The following PHF20L1 variants were observed in gnomAD, a reference collection of about 807,000 sequenced individuals.
PHF20L1 encodes PHD finger protein 20-like protein 1.
In PHF20L1, 44 loss-of-function variants were observed where a neutral mutation model predicts 125.5. The observed-to-expected ratio is 0.35, with a 90% CI of 0.28 to 0.45. The LOEUF (loss-of-function observed/expected upper bound fraction) is 0.45, where lower values mean the gene tolerates loss of function less well. Among genes scored for constraint, PHF20L1 ranks in the 20% least tolerant of loss-of-function variants. PHF20L1 has a pLI of 1.00. For missense variants in PHF20L1, 1,012 were observed against 1,217.2 expected (o/e 0.83, Z 2.51); for synonymous variants, 380 against 403.1 (o/e 0.94, Z 0.69).
intron 2 of PHF20L1, among the ~76,000 whole-genome samples, chr8:132,790,522 A>G (rs1408914827): frequency 1.3e-5 from 2 of 152,310 alleles, no homozygotes; most frequent in East Asian, 1.9e-4. Flanking sequence ...TCAAGTTTCA[A>G]CCAGGCTAAC....
At position 132,824,310 on chromosome 8, in the gene PHF20L1, C is replaced by G. The variant is rs200900746; in HGVS notation, c.1636+250C>G. ...GGAACTTTTGTGTTTATGATCATCC[C>G]TAGTCAAAATTATGGCTATTCAAAA... On this transcript the variant is annotated intron_variant, in intron 13 of 20. Transcript: ENST00000395386. 122 of 323,856 alleles carry G rather than the reference C, an allele frequency of 3.8e-4. No individual in the cohort carries two copies. In the East Asian group the frequency reaches 4.9e-3, roughly 13 times the overall value. The allele number at this position is 323,856 out of a possible 1,614,324, so 20.1% of individuals were successfully genotyped here.
chr8:132,782,728 A>G (rs755755417), intron 2 of PHF20L1, among the ~76,000 whole-genome samples: 1 of 151,818 alleles, frequency 6.6e-6, no homozygotes, highest in Non-Finnish European at 1.5e-5. Flanking sequence ...AGCTGGGACT[A>G]CAGGCGTATG....
intron 2 of PHF20L1, among the ~76,000 whole-genome samples, chr8:132,788,088 G>A (rs984844997): frequency 6.6e-6 from 1 of 152,064 alleles, no homozygotes; most frequent in Non-Finnish European, 1.5e-5. Flanking sequence ...TATTTTAGGT[G>A]TATTTCATAC....
chr8:132,804,754 A>AT lies in PHF20L1; in HGVS notation c.847+24dup, dbSNP rs535937611. ...ACAAGATTACTGGTAAACTACAATG[A>AT]TTTTTTTTTTGAGGGGGGGAAATGG... On this transcript the variant is annotated intron_variant, in intron 8 of 20. Coordinates refer to ENST00000395386, the MANE Select transcript of PHF20L1 (RefSeq NM_016018.5). The AT allele has an allele frequency of 3.9e-3, 5,547 of 1,416,722 alleles. 1 individual carries two copies. Among genetic ancestry groups the AT allele is most frequent in the South Asian group, 4.9e-3 (363 of 74,582 alleles). The allele number at this position is 1,416,722 out of a possible 1,614,324, so 87.8% of individuals were successfully genotyped here.
intron 9 of PHF20L1, chr8:132,812,548 G>C (rs1185884673): frequency 3.0e-6 from 3 of 984,664 alleles, no homozygotes; most frequent in African/African-American, 1.7e-5. Context: ...GTAACAAAGA[G>C]ACCAACAATC....
chr8:132,841,152 C>T (rs1837891447), intron 18 of PHF20L1, among the ~76,000 whole-genome samples: 1 of 151,904 alleles, frequency 6.6e-6, no homozygotes, highest in African/African-American at 2.4e-5. Flanking sequence ...CTTATAGGCC[C>T]TCTTTATGTT....
chr8:132,796,402 A>G (rs774631912), intron 4 of PHF20L1, among the ~76,000 whole-genome samples: 5 of 152,128 alleles, frequency 3.3e-5, no homozygotes, highest in African/African-American at 4.8e-5. Context: ...GATTTAATCT[A>G]ACAACAAACT....
chr8:132,826,622 T>C (rs1046452587), intron 14 of PHF20L1: 1 of 151,962 alleles, frequency 6.6e-6, no homozygotes, highest in Non-Finnish European at 1.5e-5. Context: ...AACTAAACAG[T>C]GTATTTTTAA....
intron 14 of PHF20L1, among the ~76,000 whole-genome samples, chr8:132,827,571 TAAG>T (rs1836323206): frequency 1.3e-5 from 2 of 151,576 alleles, no homozygotes; most frequent in Non-Finnish European, 2.9e-5. Context: ...CAAAACAAAA[TAAG>T]AAGGGGCCCA....
At chr8:132,808,140 A>C (rs1328462860) in intron 8 of PHF20L1, 1 of 152,550 alleles carries the variant, frequency 6.6e-6, no homozygotes, top group Non-Finnish European at 1.5e-5. Flanking sequence ...GTTGATGTGA[A>C]TGTAAAGCAT....
At position 132,790,592 on chromosome 8, in the gene PHF20L1, T is replaced by C. The variant is rs187475906; in HGVS notation, c.84-3818T>C. ...CTGCTTTACTACTTACCATGTAGTC[T>C]AGCCAAAAGGACTGTTACTCTTTCC... On this transcript the variant is annotated intron_variant, in intron 2 of 20. Transcript: ENST00000395386. Among the ~76,000 whole-genome samples, 199 of 152,354 alleles carry C rather than the reference T, an allele frequency of 1.3e-3. 1 individual carries two copies. The highest frequency in any genetic ancestry group is 0.012 in the Admixed American group (185 of 15,308).
In PHF20L1 at chr8:132,839,538, T is replaced by A. The variant is rs1837711884; in HGVS notation, c.2343T>A (p.Val781=). The part of the protein sequence containing the change: ...THHLLADVYG[V]TEVLHGLQLK... ...ACCTGCTTGCTGATGTCTATGGTGTTACAGAAGTGCTACACGGGCTACAGC... is the reference window on the plus strand; with the variant it reads ...ACCTGCTTGCTGATGTCTATGGTGTAACAGAAGTGCTACACGGGCTACAGC... The change falls in exon 18 of 21, where the codon GTT becomes GTA. Residue 781 remains valine, a synonymous_variant. Transcript: ENST00000395386. The A allele has an allele frequency of 6.2e-7, 1 of 1,613,384 alleles. No individual in the cohort carries two copies. The highest frequency in any genetic ancestry group is 8.5e-7 in the Non-Finnish European group (1 of 1,179,620).
At chr8:132,837,033 A>G (rs1399586493) in intron 16 of PHF20L1, among the ~76,000 whole-genome samples, 2 of 152,060 alleles carry the variant, frequency 1.3e-5, no homozygotes, top group Admixed American at 1.3e-4. Context: ...TCTCTTCCTC[A>G]TCTGCATTCA....
At chr8:132,807,879 C>T in intron 8 of PHF20L1, 2 of 388,834 alleles carry the variant, frequency 5.1e-6, no homozygotes, top group Non-Finnish European at 1.0e-5. Flanking sequence ...GCAATTTTAT[C>T]CCATAGGGGT....
At chr8:132,836,074 TGG>T (rs1837324747) in intron 15 of PHF20L1, among the ~76,000 whole-genome samples, 1 of 152,060 alleles carries the variant, frequency 6.6e-6, no homozygotes, top group Admixed American at 6.6e-5. Flanking sequence ...GAAGAATCAG[TGG>T]TGTGCTAGAG....
chr8:132,821,564 ACT>A (rs1835599702), intron 12 of PHF20L1, among the ~76,000 whole-genome samples: 2 of 151,756 alleles, frequency 1.3e-5, no homozygotes, highest in African/African-American at 2.4e-5. Flanking sequence ...ACAGCTGGAG[ACT>A]CTGTTGCCTC....
chr8:132,839,462 T>C lies in PHF20L1; in HGVS notation c.2267T>C (p.Phe756Ser), dbSNP rs530178136. The change falls in exon 18 of 21, where the codon TTC becomes TCC. Residue 756 changes from phenylalanine (F) to serine (S), a missense_variant. Physicochemically the swap from Phe to Ser is radical, Grantham distance 155 (BLOSUM62 -2). Coordinates refer to ENST00000395386, the MANE Select transcript of PHF20L1 (RefSeq NM_016018.5). ...GGGAGAATGTGCGGGTTATCATTTT[T>C]CAAAGAAAATTATTCTCATCTCAAT... ...NNGRMCGLSFFKENYSHLNAK... is the reference protein window; with the variant it reads ...NNGRMCGLSFSKENYSHLNAK... 1 of 1,613,386 alleles carries C rather than the reference T, an allele frequency of 6.2e-7. No homozygotes were observed. The highest frequency in any genetic ancestry group is 1.1e-5 in the South Asian group (1 of 91,060).
chr8:132,793,724 T>C (rs1832051588), intron 2 of PHF20L1, among the ~76,000 whole-genome samples: 1 of 152,206 alleles, frequency 6.6e-6, no homozygotes, highest in South Asian at 2.1e-4. Context: ...CAATGAAATA[T>C]TTTGTATTTT....
rs775465850 is a variant in PHF20L1 at position 132,845,834 on chromosome 8, G to C, written c.2965G>C (p.Ala989Pro). 19 of 1,610,372 alleles carry C rather than the reference G, an allele frequency of 1.2e-5. No homozygotes were observed. The highest frequency in any genetic ancestry group is 1.4e-5 in the Non-Finnish European group (17 of 1,176,966). ...GGAGTTGGAGCCACCAGATCCTCTT[G>C]CAAGATTGCCCCAACTTAAACGCCA... ...TGELEPPDPL[A>P]RLPQLKRHIK... The change falls in exon 21 of 21, where the codon GCA (alanine) becomes CCA (proline). Residue 989 changes from alanine to proline, a missense_variant. Coordinates refer to ENST00000395386, the MANE Select transcript of PHF20L1 (RefSeq NM_016018.5).
Sources: gnomAD v4.1 joint callset for allele counts (sites outside exome capture counted in the v4.1 genomes callset) on GRCh38, gnomAD v4.1.1 for gene constraint, MANE v1.5 for transcripts, NCBI Gene and HGNC (gene_info 2026-07-23, HGNC 2026-07-21) for gene names.